The following SNX30 variants were observed in gnomAD, a reference collection of about 807,000 sequenced individuals.
The protein encoded by SNX30 is sorting nexin family member 30.
Under a neutral mutation model 46.4 loss-of-function variants are expected in SNX30, and 24 were observed. The observed-to-expected ratio is 0.52, with a 90% CI of 0.37 to 0.73. The LOEUF is 0.73. SNX30 is among the 30% of genes least tolerant of loss of function. SNX30 has a pLI of 0.00. For missense variants in SNX30, 533 were observed against 555.7 expected (o/e 0.96, Z 0.41); for synonymous variants, 189 against 211.5 (o/e 0.89, Z 0.92).
chr9:112,864,035 A>C (rs1841279248), intron 7 of SNX30, among the ~76,000 whole-genome samples: 1 of 152,190 alleles, frequency 6.6e-6, no homozygotes, highest in Admixed American at 6.5e-5. Context: ...ATGGGTTTGA[A>C]GATCTGGGTT....
At chr9:112,863,044 A>T (rs1437666933) in intron 7 of SNX30, among the ~76,000 whole-genome samples, 1 of 152,132 alleles carries the variant, frequency 6.6e-6, no homozygotes, top group Non-Finnish European at 1.5e-5. Context: ...TGCCTTGGCC[A>T]TGTCTCTTCC....
intron 1 of SNX30, among the ~76,000 whole-genome samples, chr9:112,764,170 T>C (rs1018478110): frequency 6.6e-6 from 1 of 152,102 alleles, no homozygotes; most frequent in African/African-American, 2.4e-5. Context: ...GGAATACATG[T>C]CTTACAAATG....
At chr9:112,819,266 C>CTTTTTTTTTTTTTTTTTTTTTT (rs35138610) in intron 3 of SNX30, among the ~76,000 whole-genome samples, 44 of 116,966 alleles carry the variant, frequency 3.8e-4, no homozygotes, top group Non-Finnish European at 4.4e-4. Context: ...TTCTTTCTTT[C>CTTTTTTTTTTTTTTTTTTTTTT]TTTTTTTTTT....
At chr9:112,789,026 G>A (rs1839975552) in intron 1 of SNX30, among the ~76,000 whole-genome samples, 1 of 152,096 alleles carries the variant, frequency 6.6e-6, no homozygotes, top group African/African-American at 2.4e-5. Flanking sequence ...GAACTCCTGG[G>A]CTCAAGCAAT....
At chr9:112,838,372 A>G (rs1455783820) in intron 5 of SNX30, 126 bp from the exon 6 acceptor site, 10 of 706,734 alleles carry the variant, frequency 1.4e-5, no homozygotes, top group South Asian at 7.7e-5. Flanking sequence ...GAGTGGGATC[A>G]GGTGAGTGAA....
At chr9:112,865,635 A>ATGTG (rs1841314333) in intron 8 of SNX30, among the ~76,000 whole-genome samples, 1 of 80,166 alleles carries the variant, frequency 1.2e-5, no homozygotes, top group Non-Finnish European at 2.9e-5. Flanking sequence ...ATATATATAT[A>ATGTG]TATATATATA....
Position 112,872,695 on chromosome 9 carries a change from G to A in SNX30, c.*3852G>A. ...GGAAACTGGGTGATCCAATTATAGG[G>A]CTGGGGCAACCCTGCTTTGGCCACC... On this transcript the variant is annotated 3_prime_UTR_variant, in exon 9 of 9. Transcript: ENST00000374232. 1 of 152,290 alleles carries A rather than the reference G, an allele frequency of 6.6e-6. No homozygotes were observed. Among genetic ancestry groups the A allele is most frequent in the East Asian group, 1.9e-4 (1 of 5,186 alleles). The allele number at this position is 152,290 out of a possible 1,614,324, so 9.4% of individuals were successfully genotyped here.
At chr9:112,829,250 A>AT (rs201643949) in intron 3 of SNX30, among the ~76,000 whole-genome samples, 10 of 150,170 alleles carry the variant, frequency 6.7e-5, no homozygotes, top group East Asian at 1.9e-4. Flanking sequence ...CCTGCTTTCA[A>AT]TTTTTTTTTT....
intron 8 of SNX30, 85 bp from the exon 9 acceptor site, chr9:112,868,699 C>A: frequency 2.1e-6 from 3 of 1,439,902 alleles, no homozygotes; most frequent in Non-Finnish European, 2.0e-6. Flanking sequence ...GGATCGACAA[C>A]GAAAGGGTAG....
Position 112,805,393 on chromosome 9 carries a change from G to C in SNX30, c.348+426G>C, listed in dbSNP as rs935299019. Among the ~76,000 whole-genome samples the C allele has an allele frequency of 3.4e-4, 52 of 152,136 alleles. 1 individual carries two copies. The highest frequency in any genetic ancestry group is 3.4e-3 in the Admixed American group (52 of 15,274). On this transcript the variant is annotated intron_variant, in intron 2 of 8. Coordinates refer to ENST00000374232, the MANE Select transcript of SNX30 (RefSeq NM_001012994.2). Reference sequence around the variant, plus strand: ...TAATGGGAGGATAGAAACTAATACTGTCTTTCTGGTATGTGTCAGATAGGT... The same window carrying C: ...TAATGGGAGGATAGAAACTAATACTCTCTTTCTGGTATGTGTCAGATAGGT...
intron 1 of SNX30, among the ~76,000 whole-genome samples, chr9:112,804,279 C>G (rs1298225657): frequency 6.6e-6 from 1 of 152,190 alleles, no homozygotes; most frequent in East Asian, 1.9e-4. Context: ...ATTCTCCTGC[C>G]TCAGCTTCCC....
rs575298458 is a variant in SNX30 at position 112,758,956 on chromosome 9, C to T, written c.156+7799C>T. On this transcript the variant is annotated intron_variant, in intron 1 of 8. Transcript: ENST00000374232. ...CTTGTCTCTATTAAACACACACACA[C>T]GCGCGCACGTGCACACACAGAGAGA... 1.9e-4 allele frequency among the ~76,000 whole-genome samples: 29 copies of T among 152,212 alleles called. 1 individual carries two copies. Among genetic ancestry groups the T allele is most frequent in the Admixed American group, 3.9e-4 (6 of 15,288 alleles).
At position 112,750,760 on chromosome 9, in the gene SNX30, G is replaced by C. The variant is rs1839253976; in HGVS notation, c.-242G>C. The stretch of plus-strand genomic sequence containing the variant: ...GGTGTGGCTGTGTGGGCTGGGCGCC[G>C]CGGCCGTGCTGCCAGCGGACCCGCG... On this transcript the variant is annotated 5_prime_UTR_variant, in exon 1 of 9. Transcript: ENST00000374232. 6.5e-6 allele frequency: 1 copy of C among 154,748 alleles called. No homozygotes were observed. The allele number at this position is 154,748 out of a possible 1,614,324, so 9.6% of individuals were successfully genotyped here.
intron 2 of SNX30, among the ~76,000 whole-genome samples, chr9:112,815,051 A>G (rs781278993): frequency 6.6e-6 from 1 of 152,220 alleles, no homozygotes; most frequent in Non-Finnish European, 1.5e-5. Flanking sequence ...GTAGAAAAAT[A>G]TGGAAACATA....
chr9:112,762,863 G>GAGCC (rs1045888519), intron 1 of SNX30, among the ~76,000 whole-genome samples: 14 of 152,352 alleles, frequency 9.2e-5, no homozygotes, highest in Non-Finnish European at 1.6e-4. Context: ...AAGCCGCTGG[G>GAGCC]AGCCAGCATG....
intron 1 of SNX30, among the ~76,000 whole-genome samples, chr9:112,767,520 T>C (rs562380630): frequency 1.3e-5 from 2 of 152,190 alleles, no homozygotes; most frequent in Non-Finnish European, 2.9e-5. Flanking sequence ...TTTTCCCCTA[T>C]GTTTTTTTTC....
At chr9:112,761,038 G>A (rs1839425908) in intron 1 of SNX30, among the ~76,000 whole-genome samples, 1 of 152,224 alleles carries the variant, frequency 6.6e-6, no homozygotes, top group South Asian at 2.1e-4. Flanking sequence ...TAGAGGTGGA[G>A]ATTAGTGAGA....
intron 7 of SNX30, among the ~76,000 whole-genome samples, chr9:112,854,399 A>G (rs868690008): frequency 7.9e-5 from 12 of 152,194 alleles, no homozygotes; most frequent in East Asian, 5.8e-4. Context: ...ACTTACCCAC[A>G]TGGCTCATCC....
chr9:112,797,945 C>G (rs528208234), intron 1 of SNX30, among the ~76,000 whole-genome samples: 1 of 146,062 alleles, frequency 6.8e-6, no homozygotes, highest in African/African-American at 2.5e-5. Flanking sequence ...CTCCTGACCT[C>G]AAGTGATCTG....
Sources: allele counts gnomAD v4.1 joint callset (sites outside exome capture counted in the v4.1 genomes callset), GRCh38; gene constraint gnomAD v4.1.1; transcripts MANE v1.5; gene names NCBI Gene and HGNC (gene_info 2026-07-23, HGNC 2026-07-21).